MYH13: variants seen among roughly 807,000 people sequenced by gnomAD.
MYH13 encodes myosin-13.
A neutral mutation model predicts 232.1 loss-of-function variants in MYH13; 177 were observed. The ratio of observed to expected loss-of-function variants is 0.76; its 90% CI spans 0.67 to 0.86. The LOEUF (loss-of-function observed/expected upper bound fraction) is 0.86, where lower values mean the gene tolerates loss of function less well. Among genes scored for constraint, MYH13 ranks in the 40% least tolerant of loss-of-function variants. The pLI is 0.00. For synonymous variants in MYH13, 884 were observed against 923.5 expected, an observed-to-expected ratio of 0.96 and a Z score of 0.78; for missense variants, 2,246 against 2,405.9, an observed-to-expected ratio of 0.93 and a Z score of 1.39.
At chr17:10,313,721 A>G (rs1284892244) in intron 29 of MYH13, among the ~76,000 whole-genome samples, 1 of 152,220 alleles carries the variant, frequency 6.6e-6, no homozygotes, top group African/African-American at 2.4e-5. Context: ...AATAGGGTAA[A>G]TAAGCAAATG....
At chr17:10,321,744 G>A (rs767072631) in intron 23 of MYH13, 36 bp from the exon 24 acceptor site, 9 of 1,551,328 alleles carry the variant, frequency 5.8e-6, no homozygotes, top group African/African-American at 1.4e-5. Flanking sequence ...ATATGGAAAC[G>A]ATTATGCCAG....
Position 10,360,071 on chromosome 17 carries a change from G to C in MYH13, c.534C>G (p.Thr178=), listed in dbSNP as rs751363766. 6.2e-7 allele frequency: 1 copy of C among 1,614,030 alleles called. No individual in the cohort carries two copies. The highest frequency in any genetic ancestry group is 8.5e-7 in the Non-Finnish European group (1 of 1,179,982). The change falls in exon 7 of 41, where the codon ACC becomes ACG. Residue 178 remains threonine, a splice_region_variant and synonymous_variant. Coordinates refer to ENST00000252172, the MANE Select transcript of MYH13 (RefSeq NM_003802.3). Reference sequence around the variant, plus strand: ...CAGTCTTCCCAGCCCCGGATTCTCCGCTGCCAATTTAAAAGTAAACGGGAT... The same window carrying C: ...CAGTCTTCCCAGCCCCGGATTCTCCCCTGCCAATTTAAAAGTAAACGGGAT... ...TDRDNQSILI[T]GESGAGKTVN... is the part of the protein sequence containing the mutation.
intron 7 of MYH13, among the ~76,000 whole-genome samples, 193 bp from the exon 8 acceptor site, chr17:10,358,020 G>T (rs535233092): frequency 6.6e-6 from 1 of 151,892 alleles, no homozygotes; most frequent in South Asian, 2.1e-4. Context: ...ATCTTAGACA[G>T]GTTCTTATTA....
intron 18 of MYH13, among the ~76,000 whole-genome samples, chr17:10,334,108 C>T (rs1907506182): frequency 6.6e-6 from 1 of 152,088 alleles, no homozygotes; most frequent in Admixed American, 6.6e-5. Context: ...GGGTCAGGCA[C>T]AAATCAAACT....
chr17:10,368,654 C>T (rs2071855894), intron 2 of MYH13, among the ~76,000 whole-genome samples: 2 of 152,208 alleles, frequency 1.3e-5, no homozygotes, highest in Non-Finnish European at 2.9e-5. Context: ...TTGCATCACT[C>T]ATGCAGTGAA....
chr17:10,333,751 T>C (rs1805663009), intron 18 of MYH13, among the ~76,000 whole-genome samples: 1 of 151,416 alleles, frequency 6.6e-6, no homozygotes, highest in African/African-American at 2.4e-5. Context: ...TACAGAAAAA[T>C]ACAAAAATTA....
At position 10,350,615 on chromosome 17, in the gene MYH13, C is replaced by T; in HGVS notation, c.1085G>A (p.Gly362Glu). 2 of 1,613,818 alleles carry T rather than the reference C, an allele frequency of 1.2e-6. No individual in the cohort carries two copies. The highest frequency in any genetic ancestry group is 1.3e-5 in the African/African-American group (1 of 74,934). ...YKLTGAVMHY[G>E]NMKFKQKQRE... ...CTGCTTCTGCTTGAACTTCATGTTC[C>T]CATAATGCATCACGGCTCCCGTCAG... is the stretch of plus-strand genomic sequence containing the variant. The change falls in exon 12 of 41, where the codon GGG (glycine) becomes GAG (glutamate). Residue 362 changes from glycine to glutamate, a missense_variant. Transcript: ENST00000252172.
intron 2 of MYH13, among the ~76,000 whole-genome samples, chr17:10,370,563 C>T (rs2071870278): frequency 6.6e-6 from 1 of 152,150 alleles, no homozygotes; most frequent in African/African-American, 2.4e-5. Flanking sequence ...CCATCACCCA[C>T]TTGTGAGGGC....
intron 24 of MYH13, among the ~76,000 whole-genome samples, chr17:10,320,877 C>T (rs1388345519): frequency 6.6e-6 from 1 of 152,210 alleles, no homozygotes; most frequent in Admixed American, 6.5e-5. Flanking sequence ...TCACGCCTTG[C>T]CTGCTAACAT....
At position 10,300,987 on chromosome 17, in the gene MYH13, G is replaced by T. The variant is rs568831030; in HGVS notation, c.5803-22C>A. ...TCTTCTGTGGGAGAAAAAAATAATT[G>T]TACATAGGAAATGAGTCAACTAAAT... On this transcript the variant is annotated intron_variant, in intron 40 of 40. Coordinates refer to ENST00000252172, the MANE Select transcript of MYH13 (RefSeq NM_003802.3). The T allele has an allele frequency of 1.8e-4, 285 of 1,611,058 alleles. 1 individual carries two copies. In the South Asian group the frequency reaches 2.9e-3, roughly 16 times the overall value.
chr17:10,333,158 A>T lies in MYH13; in HGVS notation c.2090T>A (p.Leu697Gln). The T allele has an allele frequency of 6.4e-7, 1 of 1,551,704 alleles. No homozygotes were observed. The highest frequency in any genetic ancestry group is 8.7e-7 in the Non-Finnish European group (1 of 1,146,948). ...VMDHYLVMHQ[L>Q]RCNGVLEGIR... Reference sequence around the variant, plus strand: ...GCCCTCGAGGACCCCGTTACAGCGCAGCTGGTGCATGACCAAGTAGTGGTC... The same window carrying T: ...GCCCTCGAGGACCCCGTTACAGCGCTGCTGGTGCATGACCAAGTAGTGGTC... The change falls in exon 19 of 41, where the codon CTG (leucine) becomes CAG (glutamine). Residue 697 changes from leucine to glutamine, a missense_variant. Physicochemically the swap from Leu to Gln is moderately radical, Grantham distance 113. Transcript: ENST00000252172.
chr17:10,307,053 C>T lies in MYH13; in HGVS notation c.5181G>A (p.Leu1727=). 1 of 1,613,928 alleles carries T rather than the reference C, an allele frequency of 6.2e-7. No individual in the cohort carries two copies. Among genetic ancestry groups the T allele is most frequent in the Non-Finnish European group, 8.5e-7 (1 of 1,179,872 alleles). Residue 1727 remains leucine, a synonymous_variant, in exon 36 of 41, where the codon CTG becomes CTA. Coordinates refer to ENST00000252172, the MANE Select transcript of MYH13 (RefSeq NM_003802.3). The part of the protein sequence containing the change: ...VQLLHSQNTS[L]INTKKKLEAD... ...CCTCCAGTTTTTTCTTGGTATTTAT[C>T]AGGCTTGTGTTCTACAAGAAGAATT... is the stretch of plus-strand genomic sequence containing the variant.
In MYH13 at chr17:10,313,227, T is replaced by C. The variant is rs1376861349; in HGVS notation, c.4112A>G (p.Glu1371Gly). The C allele has an allele frequency of 6.2e-7, 1 of 1,614,198 alleles. No individual in the cohort carries two copies. The highest frequency in any genetic ancestry group is 8.5e-7 in the Non-Finnish European group (1 of 1,180,050). The change falls in exon 30 of 41, where the codon GAG becomes GGG. Residue 1371 changes from glutamate to glycine, a missense_variant. Glu to Gly is a moderately conservative substitution (Grantham distance 98). Coordinates refer to ENST00000252172, the MANE Select transcript of MYH13 (RefSeq NM_003802.3). ...GTATTTGGTCCTCCACTGGGCAACC[T>C]CACTGTTGGCCTTGGACAGCGCCCT... ...LQRALSKANS[E>G]VAQWRTKYET...
chr17:10,336,853 C>G (rs1277583076), intron 18 of MYH13, among the ~76,000 whole-genome samples: 1 of 152,108 alleles, frequency 6.6e-6, no homozygotes, highest in East Asian at 1.9e-4. Context: ...TCCCCCAACC[C>G]CAAACCTAGC....
chr17:10,313,395 C>A (rs764926152), intron 29 of MYH13, 41 bp from the exon 30 acceptor site: 2 of 1,613,478 alleles, frequency 1.2e-6, no homozygotes, highest in East Asian at 2.2e-5. Context: ...AACATTTGAC[C>A]CTTTTCCAAG....
intron 11 of MYH13, 100 bp from the exon 12 acceptor site, chr17:10,350,794 G>GA: frequency 6.8e-7 from 1 of 1,469,950 alleles, no homozygotes; most frequent in Non-Finnish European, 9.4e-7. Context: ...TAGCATATGA[G>GA]ACAGCATTTG....
At chr17:10,308,937 A>G (rs1906388768) in intron 35 of MYH13, among the ~76,000 whole-genome samples, 1 of 152,244 alleles carries the variant, frequency 6.6e-6, no homozygotes, top group African/African-American at 2.4e-5. Context: ...CCACTTAAAT[A>G]GTACTTCCAG....
chr17:10,354,987 A>G lies in MYH13; in HGVS notation c.809T>C (p.Leu270Ser). ...TTGAAACGTCACTCTGGATTTTTCTAACAGATCTAAGGTAACAAAAATAAC... is the reference window on the plus strand; with the variant it reads ...TTGAAACGTCACTCTGGATTTTTCTGACAGATCTAAGGTAACAAAAATAAC... ...LASADIETYL[L>S]EKSRVTFQLS... The change falls in exon 10 of 41, where the codon TTA becomes TCA. Residue 270 changes from leucine (L) to serine (S), a missense_variant. Coordinates refer to ENST00000252172, the MANE Select transcript of MYH13 (RefSeq NM_003802.3). 6.2e-7 allele frequency: 1 copy of G among 1,609,976 alleles called. No individual in the cohort carries two copies. The highest frequency in any genetic ancestry group is 8.5e-7 in the Non-Finnish European group (1 of 1,176,286).
At chr17:10,366,381 G>GTTTTCTTTTTTTT (rs2071837467) in intron 2 of MYH13, among the ~76,000 whole-genome samples, 2 of 112,640 alleles carry the variant, frequency 1.8e-5, no homozygotes, top group African/African-American at 3.2e-5. Flanking sequence ...AAATAAATCT[G>GTTTTCTTTTTTTT]TTTTTTTTTT....
Sources: allele counts gnomAD v4.1 joint callset (sites outside exome capture counted in the v4.1 genomes callset), GRCh38; gene constraint gnomAD v4.1.1; transcripts MANE v1.5; gene names NCBI Gene and HGNC (gene_info 2026-07-23, HGNC 2026-07-21).